GALNS: variants seen among roughly 807,000 people sequenced by gnomAD.
The protein encoded by GALNS is galactosamine (N-acetyl)-6-sulfatase.
In GALNS, 65 loss-of-function variants were observed where a neutral mutation model predicts 65.9. The ratio of observed to expected loss-of-function variants is 0.99; its 90% CI spans 0.81 to 1.21. The LOEUF (loss-of-function observed/expected upper bound fraction) is 1.21. Ranked by LOEUF, GALNS falls within the 50% of genes most tolerant of loss-of-function variation. The pLI is 0.00. For synonymous variants in GALNS, 346 were observed against 288.9 expected, an observed-to-expected ratio of 1.20 and a Z score of -2.00; for missense variants, 776 against 700.7, an observed-to-expected ratio of 1.11 and a Z score of -1.21.
intron 11 of GALNS, among the ~76,000 whole-genome samples, chr16:88,824,233 G>T (rs1015789219): frequency 6.6e-6 from 1 of 152,148 alleles, no homozygotes; most frequent in South Asian, 2.1e-4. Context: ...AAAAGACCGT[G>T]GGGAGGGAGC....
intron 7 of GALNS, 59 bp from the exon 8 acceptor site, chr16:88,835,411 G>A: frequency 6.3e-7 from 1 of 1,594,534 alleles, no homozygotes. Context: ...AATGGATCAG[G>A]CAGCCAACGG....
At chr16:88,850,728 G>A (rs1275072334) in intron 1 of GALNS, among the ~76,000 whole-genome samples, 1 of 152,218 alleles carries the variant, frequency 6.6e-6, no homozygotes, top group African/African-American at 2.4e-5. Context: ...CGGGACGCTC[G>A]GGCTGCGAGC....
chr16:88,818,127 G>A lies in GALNS; in HGVS notation c.1365-3C>T. 6.4e-7 allele frequency: 1 copy of A among 1,571,332 alleles called. No individual in the cohort carries two copies. The highest frequency in any genetic ancestry group is 8.6e-7 in the Non-Finnish European group (1 of 1,166,300). ...CCTGGTACTCGGCGCTGGCAAAGCT[G>A]GGGACAGAGAGCTCTGGTCACACGG... On this transcript the variant is annotated splice_polypyrimidine_tract_variant and splice_region_variant and intron_variant, in intron 12 of 13. Transcript: ENST00000268695.
Position 88,856,835 on chromosome 16 carries a change from G to A in GALNS, c.43C>T (p.Leu15=). Residue 15 remains leucine (L), a synonymous_variant, in exon 1 of 14, where the codon CTG becomes TTG. Transcript: ENST00000268695. ...VAATRWWQLL[L]VLSAAGMGAS... Reference sequence around the variant, plus strand: ...CCCATCCCCGCGGCGCTGAGCACCAGCAACAGCTGCCACCACCTCGTCGCC... The same window carrying A: ...CCCATCCCCGCGGCGCTGAGCACCAACAACAGCTGCCACCACCTCGTCGCC... 5 of 1,521,148 alleles carry A rather than the reference G, an allele frequency of 3.3e-6. No homozygotes were observed. The highest frequency in any genetic ancestry group is 4.4e-6 in the Non-Finnish European group (5 of 1,143,686). The allele number at this position is 1,521,148 out of a possible 1,614,324, so 94.2% of individuals were successfully genotyped here.
chr16:88,847,716 A>C (rs1967315559), intron 1 of GALNS, among the ~76,000 whole-genome samples: 1 of 152,238 alleles, frequency 6.6e-6, no homozygotes, highest in African/African-American at 2.4e-5. Flanking sequence ...ACAAAACAAA[A>C]CATTAAAAGT....
intron 8 of GALNS, among the ~76,000 whole-genome samples, chr16:88,834,263 C>T (rs140852992): frequency 0.019 from 2,764 of 146,038 alleles, 33 homozygotes; most frequent in South Asian, 0.062. Context: ...CCCCCAATCC[C>T]CGCAGCACAC....
intron 8 of GALNS, among the ~76,000 whole-genome samples, chr16:88,834,380 G>A (rs1306608875): frequency 3.5e-5 from 5 of 141,740 alleles, no homozygotes; most frequent in African/African-American, 1.3e-4. Context: ...GGTCTGGGAA[G>A]AGGCTGCAGG....
rs766121335 is a variant in GALNS, at chr16:88,835,226, G to A, written c.885C>T (p.Ser295=). The A allele has an allele frequency of 2.2e-5, 35 of 1,591,156 alleles. No homozygotes were observed. The highest frequency in any genetic ancestry group is 2.8e-5 in the Non-Finnish European group (33 of 1,167,716). ...FTSDNGAALI[S]APEQGGSNGP... ...GCGAGCACTCACCTTGTTCGGGGGC[G>A]GAAATGAGGGCAGCGCCGTTGTCCG... Residue 295 remains serine (S), a synonymous_variant, in exon 8 of 14, where the codon TCC becomes TCT. Coordinates refer to ENST00000268695, the MANE Select transcript of GALNS (RefSeq NM_000512.5).
intron 10 of GALNS, 134 bp from the exon 11 acceptor site, chr16:88,825,003 T>C (rs532960110): frequency 3.9e-5 from 29 of 739,944 alleles, no homozygotes; most frequent in South Asian, 3.6e-4. Context: ...ACAAAGATGA[T>C]TGAAAAGTAA....
At chr16:88,847,976 C>T (rs943646667) in intron 1 of GALNS, among the ~76,000 whole-genome samples, 1 of 152,252 alleles carries the variant, frequency 6.6e-6, no homozygotes, top group Admixed American at 6.5e-5. Context: ...GCCTCAGCCA[C>T]ACGTGGTCCC....
At chr16:88,835,456 C>T in intron 7 of GALNS, 104 bp from the exon 8 acceptor site, 1 of 1,463,310 alleles carries the variant, frequency 6.8e-7, no homozygotes, top group Non-Finnish European at 9.4e-7. Flanking sequence ...TAAATCATAA[C>T]TTCACAGACC....
At chr16:88,851,838 G>A (rs144636000) in intron 1 of GALNS, among the ~76,000 whole-genome samples, 4 of 152,370 alleles carry the variant, frequency 2.6e-5, no homozygotes, top group African/African-American at 4.8e-5. Context: ...GCTTGAGTAG[G>A]TAAACAAAGC....
chr16:88,848,190 A>C (rs34858110), intron 1 of GALNS, among the ~76,000 whole-genome samples: 31,844 of 152,144 alleles, frequency 0.21, 4,090 homozygotes, highest in East Asian at 0.57. Flanking sequence ...CGGGGAGCAC[A>C]AGGGAGTGAC....
chr16:88,837,557 G>A (rs1052370060), intron 5 of GALNS, 65 bp downstream of exon 5: 109 of 1,546,586 alleles, frequency 7.0e-5, no homozygotes, highest in Middle Eastern at 4.5e-4. Flanking sequence ...TGCTAGAGGC[G>A]GGGGGCAGGC....
chr16:88,837,967 C>T (rs1277218822), intron 4 of GALNS: 5 of 592,602 alleles, frequency 8.4e-6, no homozygotes, highest in African/African-American at 1.9e-5. Flanking sequence ...GCCTACCCTG[C>T]AGAGCGTCTG....
chr16:88,822,858 G>A, intron 11 of GALNS, 148 bp from the exon 12 acceptor site: 1 of 1,275,642 alleles, frequency 7.8e-7, no homozygotes, highest in South Asian at 1.3e-5. Flanking sequence ...GGGCCGTGGG[G>A]GGGTCTCGTC....
At chr16:88,848,944 A>G (rs965116045) in intron 1 of GALNS, among the ~76,000 whole-genome samples, 3 of 152,162 alleles carry the variant, frequency 2.0e-5, no homozygotes, top group Non-Finnish European at 4.4e-5. Flanking sequence ...GGCAGGCTAC[A>G]TGGCCCCTGC....
chr16:88,832,001 GC>G lies in GALNS; in HGVS notation c.998del (p.Gly333AlafsTer3). The G allele has an allele frequency of 6.2e-7, 1 of 1,612,860 alleles. No individual in the cohort carries two copies. The highest frequency in any genetic ancestry group is 8.5e-7 in the Non-Finnish European group (1 of 1,179,460). ...LAWWPGHVTA[G>X]QVSHQLGSIM... ...AGACCGGTGGACGCTGACTCACCTGGCCTGCAGTGACGTGCCCTGGCCACCA... is the reference window on the plus strand; with the variant it reads ...AGACCGGTGGACGCTGACTCACCTGGCTGCAGTGACGTGCCCTGGCCACCA... On this transcript the variant is annotated frameshift_variant, in exon 9 of 14. Transcript: ENST00000268695. LOFTEE classifies it high-confidence loss of function.
chr16:88,836,661 A>G (rs188406083), intron 5 of GALNS, among the ~76,000 whole-genome samples: 1 of 152,188 alleles, frequency 6.6e-6, no homozygotes, highest in African/African-American at 2.4e-5. Context: ...CTCAAGAAAA[A>G]AAAAAAAAAG....
Sources: allele counts gnomAD v4.1 joint callset (sites outside exome capture counted in the v4.1 genomes callset), GRCh38; gene constraint gnomAD v4.1.1; transcripts MANE v1.5; gene names NCBI Gene and HGNC (gene_info 2026-07-23, HGNC 2026-07-21).